Variants in KCNMA1 observed in about 807,000 individuals in gnomAD.
The protein encoded by KCNMA1 is potassium calcium-activated channel subfamily M alpha 1.
Under a neutral mutation model 140.0 loss-of-function variants are expected in KCNMA1, and 29 were observed. The ratio of observed to expected loss-of-function variants is 0.21; its 90% CI spans 0.15 to 0.28. KCNMA1 has a LOEUF of 0.28. KCNMA1 is among the 10% of genes least tolerant of loss of function. KCNMA1 has a pLI of 1.00. For missense variants in KCNMA1, 880 were observed against 1,602.2 expected, an observed-to-expected ratio of 0.55 and a Z score of 7.70; for synonymous variants, 612 against 611.9, an observed-to-expected ratio of 1.00 and a Z score of 0.00.
intron 9 of KCNMA1, among the ~76,000 whole-genome samples, chr10:77,096,558 C>T (rs190319356): frequency 6.6e-6 from 1 of 152,254 alleles, no homozygotes; most frequent in East Asian, 1.9e-4. Flanking sequence ...TTAGCAGAGC[C>T]TCGCTCTAGG....
intron 1 of KCNMA1, among the ~76,000 whole-genome samples, chr10:77,550,319 C>T (rs7072185): frequency 0.17 from 25,295 of 152,114 alleles, 2,951 homozygotes; most frequent in East Asian, 0.54. Context: ...TCTCCCAGCA[C>T]CTGCTGGGTA....
chr10:76,877,833 T>A (rs756536094), exon 30 of KCNMA1: 1 of 1,607,612 alleles, frequency 6.2e-7, no homozygotes, highest in Non-Finnish European at 8.5e-7. Context: ...ACTCATGGGC[T>A]TGATTTGAAT....
intron 1 of KCNMA1, among the ~76,000 whole-genome samples, chr10:77,624,825 G>A (rs908450514): frequency 5.3e-5 from 8 of 152,056 alleles, no homozygotes; most frequent in African/African-American, 1.9e-4. Context: ...CCCACAGGCA[G>A]AAAGAGGGTT....
At chr10:77,346,318 T>C (rs997489013) in intron 2 of KCNMA1, among the ~76,000 whole-genome samples, 9 of 152,192 alleles carry the variant, frequency 5.9e-5, no homozygotes, top group African/African-American at 1.9e-4. Context: ...CCCACCTTGG[T>C]TCTTCCCCTT....
At chr10:77,389,028 G>C (rs1422675828) in intron 2 of KCNMA1, among the ~76,000 whole-genome samples, 1 of 152,210 alleles carries the variant, frequency 6.6e-6, no homozygotes, top group Non-Finnish European at 1.5e-5. Flanking sequence ...AGCATCCAGG[G>C]AGGCAAGGGG....
In KCNMA1 at chr10:76,886,168, G is replaced by T; in HGVS notation, c.*1098C>A. On this transcript the variant is annotated 3_prime_UTR_variant, in exon 28 of 28. Transcript: ENST00000286628. ...CTAGAAAAGCATGATCTGCAGCTGG[G>T]TTTGTCTTCCTCTCACTCTACCATT... 3 of 985,358 alleles carry T rather than the reference G, an allele frequency of 3.0e-6. No homozygotes were observed. Among genetic ancestry groups the T allele is most frequent in the Non-Finnish European group, 3.6e-6 (3 of 829,920 alleles). The allele number at this position is 985,358 out of a possible 1,614,324, so 61.0% of individuals were successfully genotyped here.
intron 1 of KCNMA1, among the ~76,000 whole-genome samples, chr10:77,467,289 C>T (rs1330136173): frequency 6.6e-6 from 1 of 152,220 alleles, no homozygotes; most frequent in Non-Finnish European, 1.5e-5. Flanking sequence ...GGACATGTTT[C>T]ACACCAAATA....
intron 1 of KCNMA1, among the ~76,000 whole-genome samples, chr10:77,598,783 C>T (rs538524669): frequency 6.6e-6 from 1 of 152,318 alleles, no homozygotes; most frequent in East Asian, 1.9e-4. Context: ...CAGCAAGCGT[C>T]CTGGGAAGGT....
At chr10:77,005,454 G>A (rs1342951377) in intron 18 of KCNMA1, among the ~76,000 whole-genome samples, 2 of 152,188 alleles carry the variant, frequency 1.3e-5, no homozygotes, top group Non-Finnish European at 2.9e-5. Context: ...TCTGGCAAGT[G>A]TGAACACCAA....
chr10:77,519,786 A>G (rs2052146946), intron 1 of KCNMA1, among the ~76,000 whole-genome samples: 1 of 152,228 alleles, frequency 6.6e-6, no homozygotes, highest in Non-Finnish European at 1.5e-5. Flanking sequence ...AAGTTAGAAA[A>G]CTTCTGCATT....
At chr10:77,155,894 TC>T (rs2098477727) in intron 5 of KCNMA1, among the ~76,000 whole-genome samples, 1 of 152,146 alleles carries the variant, frequency 6.6e-6, no homozygotes, top group Non-Finnish European at 1.5e-5. Context: ...CATTTTCTCT[TC>T]TTTCACAGCA....
chr10:77,519,947 TGC>T (rs2052288798), intron 1 of KCNMA1, among the ~76,000 whole-genome samples: 2 of 151,130 alleles, frequency 1.3e-5, no homozygotes, highest in African/African-American at 2.4e-5. Context: ...CGTGAGGGTA[TGC>T]AGTGTGAGGT....
intron 5 of KCNMA1, among the ~76,000 whole-genome samples, chr10:77,171,616 G>A (rs2098709254): frequency 6.6e-6 from 1 of 152,124 alleles, no homozygotes; most frequent in Non-Finnish European, 1.5e-5. Context: ...TGGCCAGGAG[G>A]ACGTGTCAGA....
At chr10:77,381,868 T>C (rs2095398806) in intron 2 of KCNMA1, among the ~76,000 whole-genome samples, 1 of 152,202 alleles carries the variant, frequency 6.6e-6, no homozygotes, top group East Asian at 1.9e-4. Flanking sequence ...AGAGCAAGGA[T>C]GCTGGGCAAC....
At chr10:77,444,096 G>T (rs1055867567) in intron 1 of KCNMA1, among the ~76,000 whole-genome samples, 3 of 152,052 alleles carry the variant, frequency 2.0e-5, no homozygotes, top group African/African-American at 7.2e-5. Context: ...ATGAAATAGA[G>T]ATTACAAATC....
At chr10:76,960,424 A>C (rs1262511959) in intron 20 of KCNMA1, among the ~76,000 whole-genome samples, 1 of 151,934 alleles carries the variant, frequency 6.6e-6, no homozygotes, top group African/African-American at 2.4e-5. Flanking sequence ...CTGCAGTCCC[A>C]GGTACTCAGG....
intron 24 of KCNMA1, chr10:76,911,249 T>C (rs923380335): frequency 3.9e-5 from 6 of 152,272 alleles, no homozygotes; most frequent in Non-Finnish European, 8.8e-5. Context: ...GAATAAATGA[T>C]ACTAGCATGA....
At chr10:77,583,047 T>C (rs1363846204) in intron 1 of KCNMA1, among the ~76,000 whole-genome samples, 2 of 152,234 alleles carry the variant, frequency 1.3e-5, no homozygotes, top group African/African-American at 4.8e-5. Context: ...TCCAACCTTC[T>C]TTGTGCTACA....
At chr10:77,008,906 T>G (rs1324842356) in intron 18 of KCNMA1, among the ~76,000 whole-genome samples, 5 of 152,260 alleles carry the variant, frequency 3.3e-5, no homozygotes, top group African/African-American at 1.2e-4. Context: ...AAAGTTTCTT[T>G]GCAACTAAAA....
Sources: allele counts gnomAD v4.1 joint callset (sites outside exome capture counted in the v4.1 genomes callset), GRCh38; gene constraint gnomAD v4.1.1; transcripts MANE v1.5; gene names NCBI Gene and HGNC (gene_info 2026-07-23, HGNC 2026-07-21).